IL20RB: variants seen among roughly 807,000 people sequenced by gnomAD.
The protein encoded by IL20RB is interleukin-20 receptor subunit beta.
A neutral mutation model predicts 33.3 loss-of-function variants in IL20RB; 21 were observed. That is an observed-to-expected ratio of 0.63 (90% CI 0.45 to 0.91). IL20RB has a LOEUF of 0.91. Ranked by LOEUF, IL20RB falls within the 40% of genes least tolerant of loss-of-function variation. The probability of loss-of-function intolerance (pLI) is 0.00; values close to 1 mark genes in which losing one functional copy is unlikely to be tolerated. For missense variants in IL20RB, 345 were observed against 384.8 expected (o/e 0.90, Z 0.86); for synonymous variants, 147 against 146.8 (o/e 1.00, Z -0.01).
At chr3:136,989,351 C>T (rs1021164936) in intron 3 of IL20RB, 90 bp from the exon 4 acceptor site, 22 of 1,475,884 alleles carry the variant, frequency 1.5e-5, no homozygotes, top group East Asian at 1.2e-4. Flanking sequence ...CGGAGACGGA[C>T]ATATTTCCAT....
chr3:136,981,341 A>G (rs964783187), intron 2 of IL20RB, among the ~76,000 whole-genome samples: 1 of 151,960 alleles, frequency 6.6e-6, no homozygotes, highest in African/African-American at 2.4e-5. Flanking sequence ...TTAGGTGTTC[A>G]ATAGCCACAT....
At chr3:136,959,908 A>T (rs1336090281) in intron 1 of IL20RB, among the ~76,000 whole-genome samples, 2 of 152,190 alleles carry the variant, frequency 1.3e-5, no homozygotes, top group Admixed American at 6.5e-5. Context: ...AGATGACACA[A>T]ACAAAAGCGC....
chr3:136,987,776 C>T (rs1262280680), intron 3 of IL20RB, among the ~76,000 whole-genome samples: 4 of 152,198 alleles, frequency 2.6e-5, no homozygotes, highest in African/African-American at 9.6e-5. Context: ...AGCACGGCGC[C>T]GGTGGGCTGG....
chr3:136,963,388 C>A (rs1012756619), intron 1 of IL20RB, among the ~76,000 whole-genome samples: 4 of 152,164 alleles, frequency 2.6e-5, no homozygotes, highest in Admixed American at 2.6e-4. Context: ...AAAAGAGTAT[C>A]ATTTTACATT....
At chr3:136,995,649 A>G (rs762874008) in intron 6 of IL20RB, 93 bp downstream of exon 6, 102 of 1,248,220 alleles carry the variant, frequency 8.2e-5, no homozygotes, top group Non-Finnish European at 1.1e-4. Flanking sequence ...CCATGTTTCT[A>G]TCATGAGATT....
chr3:136,982,075 G>C (rs1941788122), intron 2 of IL20RB, 85 bp from the exon 3 acceptor site: 1 of 960,598 alleles, frequency 1.0e-6, no homozygotes, highest in Non-Finnish European at 1.5e-6. Flanking sequence ...GTACAAAGTA[G>C]GTGAACGAAG....
chr3:137,000,759 C>T (rs1235243748), intron 6 of IL20RB, among the ~76,000 whole-genome samples: 15 of 152,196 alleles, frequency 9.9e-5, no homozygotes, highest in Admixed American at 9.8e-4. Flanking sequence ...TGGTGAAAAG[C>T]TCAGCCTTCC....
At chr3:136,972,127 G>A (rs1008384678) in intron 1 of IL20RB, among the ~76,000 whole-genome samples, 2 of 152,144 alleles carry the variant, frequency 1.3e-5, no homozygotes, top group African/African-American at 4.8e-5. Context: ...TTGGCCATTT[G>A]TATATCTTCT....
rs199852279 is a variant in IL20RB at position 136,992,039 on chromosome 3, C to T, written c.633C>T (p.Ala211=). ...TGAAGGCCCAGACATTCGTGAAGGC[C>T]ATTGGGAGGTACAGCGCCTTCAGCC... The part of the protein sequence containing the change: ...YCVKAQTFVK[A]IGRYSAFSQT... Residue 211 remains alanine, a synonymous_variant, in exon 5 of 7, where the codon GCC becomes GCT. Coordinates refer to ENST00000329582, the MANE Select transcript of IL20RB (RefSeq NM_144717.4). 6.3e-5 allele frequency: 102 copies of T among 1,614,166 alleles called. 2 individuals are homozygous for T. The East Asian group carries it at 1.8e-3, about 29-fold the overall frequency.
Position 137,010,770 on chromosome 3 carries a change from A to G in IL20RB, c.*547A>G, listed in dbSNP as rs1933077169. On this transcript the variant is annotated 3_prime_UTR_variant, in exon 7 of 7. Transcript: ENST00000329582. ...TTGAGAGAAAAGGAATCATGGGAGC[A>G]ATGGTGTTGAGTTCACTTCAAGCCC... 6.6e-6 allele frequency: 1 copy of G among 152,400 alleles called. No individual in the cohort carries two copies. The highest frequency in any genetic ancestry group is 1.5e-5 in the Non-Finnish European group (1 of 68,238). The allele number at this position is 152,400 out of a possible 1,614,324, so 9.4% of individuals were successfully genotyped here. A position where few individuals can be genotyped will look rare whatever the true frequency, so the allele number is the denominator to read the frequency against.
rs1031090303 is a variant in IL20RB, at chr3:136,995,577, T to C, written c.825+21T>C. Reference sequence around the variant, plus strand: ...CCTTGGTAATAGAGTAGTTCTTTATTCCTTTCAGTATAACACTGACCAGAT... The same window carrying C: ...CCTTGGTAATAGAGTAGTTCTTTATCCCTTTCAGTATAACACTGACCAGAT... On this transcript the variant is annotated intron_variant, in intron 6 of 6. Coordinates refer to ENST00000329582, the MANE Select transcript of IL20RB (RefSeq NM_144717.4). The C allele has an allele frequency of 3.7e-6, 6 of 1,613,434 alleles. No individual in the cohort carries two copies. In the Admixed American group the frequency reaches 8.3e-5, roughly 22 times the overall value.
At chr3:137,001,823 A>G (rs1043509067) in intron 6 of IL20RB, among the ~76,000 whole-genome samples, 13 of 152,104 alleles carry the variant, frequency 8.5e-5, no homozygotes, top group African/African-American at 2.7e-4. Flanking sequence ...CATGTGCACA[A>G]CCTGCAGGTT....
rs915657598 is a variant in IL20RB at position 137,010,637 on chromosome 3, T to C, written c.*414T>C. 1.3e-4 allele frequency: 20 copies of C among 156,928 alleles called. 1 individual carries two copies. The South Asian group carries it at 3.3e-3, about 26-fold the overall frequency. 9.7% of individuals were successfully genotyped at this position (156,928 alleles called of 1,614,324 possible). A position where few individuals can be genotyped will look rare whatever the true frequency, so the allele number is the denominator to read the frequency against. ...GAGGGAAACTGGTGACACTCTACAG[T>C]CTGACTGATTCAGTGTTTCTGGAGA... On this transcript the variant is annotated 3_prime_UTR_variant, in exon 7 of 7. Coordinates refer to ENST00000329582, the MANE Select transcript of IL20RB (RefSeq NM_144717.4).
At chr3:136,961,062 G>A (rs369280423) in intron 1 of IL20RB, among the ~76,000 whole-genome samples, 2 of 152,282 alleles carry the variant, frequency 1.3e-5, no homozygotes, top group South Asian at 2.1e-4. Context: ...AAGGTTTTAC[G>A]AAATAGGTGT....
intron 3 of IL20RB, among the ~76,000 whole-genome samples, chr3:136,984,111 T>C (rs961022777): frequency 2.0e-5 from 3 of 152,152 alleles, no homozygotes; most frequent in African/African-American, 7.2e-5. Flanking sequence ...AGTGCTGGGA[T>C]TATAGGAATG....
intron 5 of IL20RB, 48 bp downstream of exon 5, chr3:136,992,136 C>T (rs1257365992): frequency 2.5e-6 from 4 of 1,591,818 alleles, no homozygotes; most frequent in African/African-American, 1.3e-5. Context: ...GTGATAGCCC[C>T]TCCTGGCATA....
intron 1 of IL20RB, among the ~76,000 whole-genome samples, chr3:136,964,264 G>A (rs1419151234): frequency 1.6e-5 from 1 of 64,448 alleles, no homozygotes; most frequent in African/African-American, 7.2e-5. Flanking sequence ...CTGAGGAATC[G>A]CCACACTGAC....
At chr3:136,993,881 T>G (rs1942078307) in intron 5 of IL20RB, among the ~76,000 whole-genome samples, 1 of 151,866 alleles carries the variant, frequency 6.6e-6, no homozygotes, top group Non-Finnish European at 1.5e-5. Flanking sequence ...GGCATGGTGG[T>G]GCACGTCTGT....
intron 1 of IL20RB, among the ~76,000 whole-genome samples, chr3:136,967,162 A>C (rs1340887164): frequency 2.0e-5 from 3 of 149,680 alleles, no homozygotes; most frequent in South Asian, 2.2e-4. Context: ...GCTGAAAAAA[A>C]TGTATATTCT....
Sources: allele counts gnomAD v4.1 joint callset (sites outside exome capture counted in the v4.1 genomes callset), GRCh38; gene constraint gnomAD v4.1.1; transcripts MANE v1.5; gene names NCBI Gene and HGNC (gene_info 2026-07-23, HGNC 2026-07-21).